Variants in SCIN observed in about 807,000 individuals in gnomAD.
SCIN encodes the protein adseverin.
In SCIN, 91 loss-of-function variants were observed where a neutral mutation model predicts 91.8. The ratio of observed to expected loss-of-function variants is 0.99; its 90% CI spans 0.84 to 1.18. The LOEUF is 1.18. SCIN is among the 50% of genes most tolerant of loss of function. The pLI is 0.00. For missense variants in SCIN, 1,087 were observed against 863.9 expected (o/e 1.26, Z -3.24); for synonymous variants, 367 against 312.6 (o/e 1.17, Z -1.84).
At chr7:12,637,839 T>C (rs1228638805) in intron 10 of SCIN, among the ~76,000 whole-genome samples, 2 of 119,148 alleles carry the variant, frequency 1.7e-5, no homozygotes, top group Non-Finnish European at 3.6e-5. Context: ...AACTTATCTA[T>C]CTTAGCTATC....
chr7:12,598,735 A>G (rs527890469), intron 3 of SCIN, among the ~76,000 whole-genome samples: 1 of 152,170 alleles, frequency 6.6e-6, no homozygotes, highest in African/African-American at 2.4e-5. Context: ...TCTACAAAAA[A>G]CAAAAAACAA....
At chr7:12,633,810 A>G (rs1026835312) in intron 9 of SCIN, among the ~76,000 whole-genome samples, 1 of 152,184 alleles carries the variant, frequency 6.6e-6, no homozygotes, top group Admixed American at 6.5e-5. Context: ...AGCTCTGTGT[A>G]ACTCCTCACC....
intron 2 of SCIN, among the ~76,000 whole-genome samples, chr7:12,578,909 G>GTTTTTTTTTTTGTTTGTTTGTTTTTTTTT (rs1554290048): frequency 2.3e-5 from 2 of 85,898 alleles, no homozygotes; most frequent in Admixed American, 1.1e-4. Context: ...TATAGGACAG[G>GTTTTTTTTTTTGTTTGTTTGTTTTTTTTT]TTTTTTTTTT....
At chr7:12,609,624 A>G (rs1380974012) in intron 4 of SCIN, among the ~76,000 whole-genome samples, 1 of 152,180 alleles carries the variant, frequency 6.6e-6, no homozygotes, top group Non-Finnish European at 1.5e-5. Context: ...AAGATGAAGA[A>G]AGGGCAAGTT....
At chr7:12,646,993 A>G (rs1193360255) in intron 13 of SCIN, among the ~76,000 whole-genome samples, 3 of 148,740 alleles carry the variant, frequency 2.0e-5, no homozygotes, top group Admixed American at 6.6e-5. Context: ...ATTTGTCATC[A>G]GAAAAATCTG....
intron 9 of SCIN, among the ~76,000 whole-genome samples, chr7:12,634,486 C>CAA (rs11340159): frequency 7.1e-6 from 1 of 140,136 alleles, no homozygotes; most frequent in Non-Finnish European, 1.6e-5. Context: ...ACTCCATCTC[C>CAA]AAAAAAAAAA....
intron 2 of SCIN, 80 bp from the exon 3 acceptor site, chr7:12,580,980 T>C (rs945995154): frequency 5.9e-5 from 83 of 1,417,976 alleles, no homozygotes; most frequent in Non-Finnish European, 7.4e-5. Context: ...AGCAGTATTA[T>C]TGTGCTTTGC....
intron 4 of SCIN, among the ~76,000 whole-genome samples, chr7:12,621,281 A>G (rs1222789930): frequency 6.6e-6 from 1 of 152,068 alleles, no homozygotes; most frequent in Non-Finnish European, 1.5e-5. Flanking sequence ...ATACCTGACA[A>G]TATATGGCAT....
chr7:12,650,886 G>C (rs1784065439), intron 14 of SCIN, among the ~76,000 whole-genome samples: 1 of 151,434 alleles, frequency 6.6e-6, no homozygotes, highest in Non-Finnish European at 1.5e-5. Context: ...ATCACCCACA[G>C]ACAAGCTCTA....
Position 12,570,970 on chromosome 7 carries a change from C to A in SCIN, c.184C>A (p.Leu62Met). 1.9e-6 allele frequency: 3 copies of A among 1,550,778 alleles called. No homozygotes were observed. The highest frequency in any genetic ancestry group is 2.6e-6 in the Non-Finnish European group (3 of 1,146,510). The change falls in exon 1 of 16, where the codon CTG (leucine) becomes ATG (methionine). Residue 62 changes from leucine to methionine, a missense_variant. Coordinates refer to ENST00000297029, the MANE Select transcript of SCIN (RefSeq NM_001112706.3). Reference sequence around the variant, plus strand: ...GACGAGCCGAGGCTTCACCTACCACCTGCACTTCTGGCTCGGTAAGGGACG... The same window carrying A: ...GACGAGCCGAGGCTTCACCTACCACATGCACTTCTGGCTCGGTAAGGGACG... ...AKTSRGFTYH[L>M]HFWLGKECSQ...
intron 3 of SCIN, among the ~76,000 whole-genome samples, chr7:12,592,420 G>A (rs1179580947): frequency 4.6e-5 from 7 of 152,136 alleles, no homozygotes; most frequent in Non-Finnish European, 2.9e-5. Flanking sequence ...TGGGCTGTAG[G>A]CCCTTTTGGT....
chr7:12,603,015 G>A (rs1782989735), intron 3 of SCIN, among the ~76,000 whole-genome samples: 1 of 152,162 alleles, frequency 6.6e-6, no homozygotes, highest in South Asian at 2.1e-4. Context: ...TTCCTCTGCT[G>A]TGGCTCCAGC....
At chr7:12,624,924 A>C (rs1157221629) in intron 5 of SCIN, 86 bp from the exon 6 acceptor site, 16 of 1,316,492 alleles carry the variant, frequency 1.2e-5, no homozygotes, top group Non-Finnish European at 1.3e-5. Context: ...ACATTTACCG[A>C]GTTGTACAAC....
intron 9 of SCIN, 50 bp from the exon 10 acceptor site, chr7:12,635,995 G>C (rs998799328): frequency 8.7e-6 from 12 of 1,383,850 alleles, no homozygotes; most frequent in South Asian, 1.2e-5. Context: ...TACATGTGAC[G>C]ATCTTAAAAC....
chr7:12,644,407 G>C, intron 12 of SCIN, 92 bp downstream of exon 12: 1 of 1,460,756 alleles, frequency 6.8e-7, no homozygotes, highest in Non-Finnish European at 9.2e-7. Flanking sequence ...CTTTCTAATG[G>C]CTTATAAGGG....
At chr7:12,621,375 A>T (rs1043523125) in intron 4 of SCIN, among the ~76,000 whole-genome samples, 4 of 152,140 alleles carry the variant, frequency 2.6e-5, no homozygotes, top group Admixed American at 2.6e-4. Flanking sequence ...TGAGAAGCTA[A>T]TTAAGATGCC....
At chr7:12,644,509 A>C in intron 12 of SCIN, 75 bp from the exon 13 acceptor site, 1 of 1,564,664 alleles carries the variant, frequency 6.4e-7, no homozygotes, top group Non-Finnish European at 8.6e-7. Flanking sequence ...AGGTGAGATA[A>C]TATTTGTTCA....
chr7:12,572,153 C>A (rs1338049609), intron 1 of SCIN, among the ~76,000 whole-genome samples: 1 of 152,084 alleles, frequency 6.6e-6, no homozygotes, highest in Non-Finnish European at 1.5e-5. Flanking sequence ...TTGGCAAACA[C>A]CTGGAACAGG....
intron 4 of SCIN, among the ~76,000 whole-genome samples, chr7:12,605,009 C>A (rs1418528120): frequency 1.3e-5 from 2 of 150,740 alleles, no homozygotes; most frequent in Non-Finnish European, 3.0e-5. Flanking sequence ...ATAGTTCTTT[C>A]ATCTATTCAT....
Sources: allele counts gnomAD v4.1 joint callset (sites outside exome capture counted in the v4.1 genomes callset), GRCh38; gene constraint gnomAD v4.1.1; transcripts MANE v1.5; gene names NCBI Gene and HGNC (gene_info 2026-07-23, HGNC 2026-07-21).